BBS9: variants seen among roughly 807,000 people sequenced by gnomAD.
BBS9 encodes the protein protein PTHB1.
Under a neutral mutation model 117.7 loss-of-function variants are expected in BBS9, and 89 were observed. The observed-to-expected ratio is 0.76, with a 90% CI of 0.64 to 0.90. BBS9 has a LOEUF of 0.90. BBS9 is among the 40% of genes least tolerant of loss of function. The pLI is 0.00. For synonymous variants in BBS9, 379 were observed against 370.9 expected (o/e 1.02, Z -0.25); for missense variants, 982 against 1,042.2 (o/e 0.94, Z 0.80).
At chr7:33,373,399 C>T (rs1481063526) in intron 17 of BBS9, among the ~76,000 whole-genome samples, 1 of 152,064 alleles carries the variant, frequency 6.6e-6, no homozygotes, top group African/African-American at 2.4e-5. Flanking sequence ...GCTGAATAGA[C>T]ACATACTCTC....
intron 19 of BBS9, among the ~76,000 whole-genome samples, chr7:33,435,920 A>G (rs1424739747): frequency 2.0e-5 from 3 of 152,148 alleles, no homozygotes; most frequent in Non-Finnish European, 2.9e-5. Context: ...ACTCTGAAGA[A>G]TTACCAGTGG....
intron 9 of BBS9, among the ~76,000 whole-genome samples, chr7:33,315,991 G>C (rs567284535): frequency 1.3e-5 from 2 of 151,986 alleles, no homozygotes; most frequent in Non-Finnish European, 2.9e-5. Context: ...TACATTGAAA[G>C]ATACAAACCT....
At chr7:33,252,016 A>T (rs1796293090) in intron 5 of BBS9, among the ~76,000 whole-genome samples, 1 of 152,132 alleles carries the variant, frequency 6.6e-6, no homozygotes, top group Non-Finnish European at 1.5e-5. Flanking sequence ...AGGAAGCATG[A>T]TGCTGGCATC....
intron 21 of BBS9, among the ~76,000 whole-genome samples, chr7:33,579,608 A>C (rs1275734297): frequency 6.6e-6 from 1 of 152,170 alleles, no homozygotes; most frequent in Non-Finnish European, 1.5e-5. Context: ...GATGAAGAGA[A>C]GTTAAATTAT....
At chr7:33,320,256 C>T (rs994047930) in intron 9 of BBS9, among the ~76,000 whole-genome samples, 4 of 152,032 alleles carry the variant, frequency 2.6e-5, no homozygotes, top group Non-Finnish European at 5.9e-5. Flanking sequence ...CCTTCCCAGC[C>T]TCTGGTAATC....
chr7:33,503,553 A>G (rs1254326052), intron 19 of BBS9, among the ~76,000 whole-genome samples: 1 of 143,544 alleles, frequency 7.0e-6, no homozygotes. Flanking sequence ...TCCTATTACA[A>G]ACTCTTTGAA....
chr7:33,282,635 T>C (rs1337267657), intron 9 of BBS9, among the ~76,000 whole-genome samples: 1 of 152,152 alleles, frequency 6.6e-6, no homozygotes, highest in Non-Finnish European at 1.5e-5. Context: ...CCTCCCAAAG[T>C]GCTGGGATTA....
At chr7:33,424,335 A>T (rs899513565) in intron 19 of BBS9, among the ~76,000 whole-genome samples, 2 of 152,210 alleles carry the variant, frequency 1.3e-5, no homozygotes, top group African/African-American at 4.8e-5. Context: ...GCTGCTTGAA[A>T]TGTATACATT....
intron 19 of BBS9, among the ~76,000 whole-genome samples, chr7:33,426,624 C>T (rs1172156901): frequency 1.3e-5 from 2 of 151,818 alleles, no homozygotes; most frequent in Non-Finnish European, 2.9e-5. Flanking sequence ...TGGGGATTCA[C>T]TAAGCCACAT....
chr7:33,539,803 CT>C (rs1851994290), intron 21 of BBS9, among the ~76,000 whole-genome samples: 1 of 152,234 alleles, frequency 6.6e-6, no homozygotes, highest in African/African-American at 2.4e-5. Context: ...TCCAGTAACA[CT>C]TTAACTGCAT....
rs1244073921 is a variant in BBS9, at chr7:33,257,395, A to G, written c.602A>G (p.Gln201Arg). ...TTCCTTACTGTCTCTTCCTGCCAAC[A>G]AGTGGAAAGTTATAAGTAAGTTTGG... ...DSFLTVSSCQ[Q>R]VESYKYQVLA... The change falls in exon 6 of 23, where the codon CAA becomes CGA. Residue 201 changes from glutamine to arginine, a missense_variant. Transcript: ENST00000242067. 6.2e-7 allele frequency: 1 copy of G among 1,613,808 alleles called. No homozygotes were observed. Among genetic ancestry groups the G allele is most frequent in the African/African-American group, 1.3e-5 (1 of 75,000 alleles).
intron 20 of BBS9, among the ~76,000 whole-genome samples, chr7:33,513,902 A>G (rs1403443786): frequency 1.3e-5 from 2 of 152,182 alleles, no homozygotes; most frequent in Admixed American, 1.3e-4. Context: ...CTTATTTGTG[A>G]TATGGTCTTT....
intron 16 of BBS9, among the ~76,000 whole-genome samples, chr7:33,362,292 A>G (rs528678063): frequency 2.0e-5 from 3 of 152,230 alleles, no homozygotes; most frequent in African/African-American, 4.8e-5. Flanking sequence ...CCGTTTATCA[A>G]TTTCTTAATG....
chr7:33,605,911 C>T lies in BBS9; in HGVS notation c.*685C>T, dbSNP rs550120555. The T allele has an allele frequency of 6.6e-6, 1 of 152,374 alleles. No homozygotes were observed. The highest frequency in any genetic ancestry group is 2.1e-4 in the South Asian group (1 of 4,828). 9.4% of individuals were successfully genotyped at this position (152,374 alleles called of 1,614,324 possible). ...CCCTTTTCATTACCCCATTGGGTGGCACCTTTTAAAAATCCAGGTTATTAA... is the reference window on the plus strand; with the variant it reads ...CCCTTTTCATTACCCCATTGGGTGGTACCTTTTAAAAATCCAGGTTATTAA... On this transcript the variant is annotated 3_prime_UTR_variant, in exon 23 of 23. Transcript: ENST00000242067.
intron 9 of BBS9, chr7:33,277,077 C>T (rs1001573948): frequency 3.1e-5 from 7 of 223,176 alleles, no homozygotes; most frequent in Non-Finnish European, 6.2e-5. Context: ...TGGCCTTCTT[C>T]CCATTGTCAT....
intron 5 of BBS9, among the ~76,000 whole-genome samples, chr7:33,232,053 C>G (rs753326921): frequency 3.2e-4 from 49 of 152,184 alleles, no homozygotes; most frequent in Non-Finnish European, 3.8e-4. Flanking sequence ...ATAACTTATA[C>G]TCCTCTTTTC....
chr7:33,565,345 A>G (rs1360756082), intron 21 of BBS9, among the ~76,000 whole-genome samples: 1 of 152,272 alleles, frequency 6.6e-6, no homozygotes, highest in African/African-American at 2.4e-5. Flanking sequence ...ATTCTGTCAC[A>G]TAAGTTGCCT....
intron 1 of BBS9, among the ~76,000 whole-genome samples, chr7:33,132,290 C>T (rs914659225): frequency 2.0e-5 from 3 of 152,184 alleles, no homozygotes; most frequent in Admixed American, 2.0e-4. Flanking sequence ...GCACGGATTT[C>T]TTAACTTCTC....
intron 19 of BBS9, among the ~76,000 whole-genome samples, chr7:33,479,184 G>A (rs920755756): frequency 1.3e-5 from 2 of 152,096 alleles, no homozygotes; most frequent in Non-Finnish European, 2.9e-5. Flanking sequence ...GGGTATGAAT[G>A]ATCCCATCAC....
Sources: allele counts gnomAD v4.1 joint callset (sites outside exome capture counted in the v4.1 genomes callset), GRCh38; gene constraint gnomAD v4.1.1; transcripts MANE v1.5; gene names NCBI Gene and HGNC (gene_info 2026-07-23, HGNC 2026-07-21).